The following TG variants were observed in gnomAD, a reference collection of about 807,000 sequenced individuals.
The protein encoded by TG is thyroglobulin, also known as thyroid hormones.
A neutral mutation model predicts 324.7 loss-of-function variants in TG; 270 were observed. The observed-to-expected ratio is 0.83, with a 90% CI of 0.75 to 0.92. TG has a LOEUF of 0.92. Among genes scored for constraint, TG ranks in the 40% least tolerant of loss-of-function variants. The pLI is 0.00. For missense variants in TG, 3,591 were observed against 3,456.4 expected (o/e 1.04, Z -0.98); for synonymous variants, 1,401 against 1,327.0 (o/e 1.06, Z -1.21).
At chr8:133,040,404 A>T in intron 41 of TG, 1 of 401,648 alleles carries the variant, frequency 2.5e-6, no homozygotes, top group Non-Finnish European at 4.5e-6. Context: ...CTTGGGTTTG[A>T]ATTTTAGCTT....
At chr8:133,112,941 A>G (rs937975443) in intron 43 of TG, among the ~76,000 whole-genome samples, 6 of 152,164 alleles carry the variant, frequency 3.9e-5, no homozygotes, top group African/African-American at 1.4e-4. Context: ...AACTATCTGT[A>G]TGAAAGTGTG....
intron 29 of TG, among the ~76,000 whole-genome samples, chr8:132,963,522 G>A (rs1828063466): frequency 6.6e-6 from 1 of 152,178 alleles, no homozygotes; most frequent in Admixed American, 6.5e-5. Flanking sequence ...AATAGGAACA[G>A]TACGTATGTA....
intron 43 of TG, among the ~76,000 whole-genome samples, chr8:133,104,076 G>A (rs375631842): frequency 2.0e-5 from 3 of 152,184 alleles, no homozygotes; most frequent in South Asian, 4.1e-4. Context: ...GGGAGCCAGC[G>A]ATGGGGATTG....
In TG at chr8:132,887,415, C is replaced by G. The variant is rs772075330; in HGVS notation, c.2043C>G (p.Thr681=). The G allele has an allele frequency of 1.9e-6, 3 of 1,614,192 alleles. No homozygotes were observed. The highest frequency in any genetic ancestry group is 2.5e-6 in the Non-Finnish European group (3 of 1,180,038). The change falls in exon 9 of 48, where the codon ACC becomes ACG. Residue 681 remains threonine (T), a synonymous_variant. Transcript: ENST00000220616. ...SLMGSQPAGS[T]LFVPACTSEG... Reference sequence around the variant, plus strand: ...TGGGCAGCCAGCCTGCTGGCTCCACCTTGTTTGTCCCTGCTTGTACTAGTG... The same window carrying G: ...TGGGCAGCCAGCCTGCTGGCTCCACGTTGTTTGTCCCTGCTTGTACTAGTG...
rs372942133 is a variant in TG at position 133,108,340 on chromosome 8, G to T, written c.7573-5082G>T. Among the ~76,000 whole-genome samples the T allele has an allele frequency of 1.6e-4, 24 of 152,174 alleles. No homozygotes were observed. The East Asian group carries it at 2.5e-3, about 16-fold the overall frequency. On this transcript the variant is annotated intron_variant, in intron 43 of 47. Transcript: ENST00000220616. ...TTGGAAAAAGGGTTCCAAGTGTTTG[G>T]GCTCAAGCTCAGTGGGGACAAAGCT...
At chr8:132,869,580 G>A in intron 2 of TG, 149 bp from the exon 3 acceptor site, 1 of 709,200 alleles carries the variant, frequency 1.4e-6, no homozygotes, top group South Asian at 1.6e-5. Flanking sequence ...TCCCAGGTCA[G>A]CCACCCTTCT....
chr8:132,935,995 C>T (rs1379438480), intron 25 of TG, 131 bp downstream of exon 25: 10 of 741,842 alleles, frequency 1.3e-5, no homozygotes, highest in East Asian at 1.3e-4. Context: ...CTCAGTCTGG[C>T]TTCTCTGAGC....
At chr8:133,130,603 C>T (rs1011865324) in intron 45 of TG, among the ~76,000 whole-genome samples, 2 of 152,088 alleles carry the variant, frequency 1.3e-5, no homozygotes, top group African/African-American at 2.4e-5. Flanking sequence ...CCTCAAGGAA[C>T]GGAATCCTTT....
chr8:132,871,368 C>T lies in TG; in HGVS notation c.295C>T (p.Gln99Ter), dbSNP rs1194583771. The stretch of plus-strand genomic sequence containing the variant: ...CACAGGTCTGTCATTTTGTCAGCTA[C>T]AGAAACAGCAGATCTTACTGAGTGG... ...PVACLSFCQL[Q>*]KQQILLSGYI... Residue 99 changes from glutamine (Q) to a stop codon, truncating the protein, a stop_gained, in exon 4 of 48, where the codon CAG (glutamine) becomes TAG (stop). Transcript: ENST00000220616. LOFTEE classifies it high-confidence loss of function. The T allele has an allele frequency of 3.1e-6, 5 of 1,614,088 alleles. No individual in the cohort carries two copies. In the Admixed American group the frequency reaches 5.0e-5, roughly 16 times the overall value.
chr8:132,912,338 A>T (rs949091306), intron 19 of TG, among the ~76,000 whole-genome samples: 1 of 152,190 alleles, frequency 6.6e-6, no homozygotes, highest in African/African-American at 2.4e-5. Context: ...TTGGAGCCGC[A>T]AAAACATGAG....
At chr8:132,908,095 A>T in intron 17 of TG, 91 bp from the exon 18 acceptor site, 1 of 1,478,224 alleles carries the variant, frequency 6.8e-7, no homozygotes, top group Non-Finnish European at 9.3e-7. Flanking sequence ...GAGCTCAATG[A>T]GGAAGGGTTA....
chr8:132,898,723 T>G, intron 13 of TG, 75 bp from the exon 14 acceptor site: 1 of 1,283,630 alleles, frequency 7.8e-7, no homozygotes, highest in Non-Finnish European at 1.1e-6. Context: ...CCCTTAAAGG[T>G]GGGGTCAGCC....
Position 132,871,391 on chromosome 8 carries a change from T to C in TG, c.318T>C (p.Ser106=), listed in dbSNP as rs1416067351. Reference sequence around the variant, plus strand: ...TACAGAAACAGCAGATCTTACTGAGTGGCTACATTAACAGCACAGACACCT... The same window carrying C: ...TACAGAAACAGCAGATCTTACTGAGCGGCTACATTAACAGCACAGACACCT... ...CQLQKQQILL[S]GYINSTDTSY... Residue 106 remains serine, a synonymous_variant, in exon 4 of 48, where the codon AGT becomes AGC. Coordinates refer to ENST00000220616, the MANE Select transcript of TG (RefSeq NM_003235.5). 1 of 1,614,170 alleles carries C rather than the reference T, an allele frequency of 6.2e-7. No homozygotes were observed.
chr8:133,096,125 TCAG>T (rs1403916222), intron 42 of TG, 78 bp from the exon 43 acceptor site: 2 of 1,534,950 alleles, frequency 1.3e-6, no homozygotes, highest in African/African-American at 2.7e-5. Flanking sequence ...GTATTGGCAT[TCAG>T]TATGGTTAAG....
chr8:132,877,462 C>T (rs1206318698), intron 5 of TG, among the ~76,000 whole-genome samples: 1 of 152,164 alleles, frequency 6.6e-6, no homozygotes, highest in Non-Finnish European at 1.5e-5. Context: ...GGAGCACCCT[C>T]CCTAGTGCAG....
intron 46 of TG, 48 bp from the exon 47 acceptor site, chr8:133,133,422 G>A (rs961428098): frequency 3.2e-6 from 5 of 1,586,790 alleles, no homozygotes; most frequent in African/African-American, 1.3e-5. Flanking sequence ...GTGATGAAAG[G>A]AAAGACAAAT....
At chr8:132,926,581 G>A (rs1476174275) in intron 22 of TG, among the ~76,000 whole-genome samples, 1 of 152,110 alleles carries the variant, frequency 6.6e-6, no homozygotes, top group Non-Finnish European at 1.5e-5. Flanking sequence ...TAGTTGTCTG[G>A]GATTCTTTGA....
At chr8:132,897,032 G>A (rs948632818) in intron 11 of TG, among the ~76,000 whole-genome samples, 1 of 152,194 alleles carries the variant, frequency 6.6e-6, no homozygotes, top group African/African-American at 2.4e-5. Flanking sequence ...TGGAGCTGCT[G>A]TGAAGATCTG....
rs1338756247 is a variant in TG at position 132,936,680 on chromosome 8, CTT to C, written c.5041+818_5041+819del. On this transcript the variant is annotated intron_variant, in intron 25 of 47. Transcript: ENST00000220616. ...CTGGCACGTGGGAGAGGCAGGAACT[CTT>C]TCCCTGGAATCCTGAGGTCTGCGCT... Among the ~76,000 whole-genome samples, 5 of 152,330 alleles carry C rather than the reference CTT, an allele frequency of 3.3e-5. No homozygotes were observed. The East Asian group carries it at 9.6e-4, about 29-fold the overall frequency.
Sources: gnomAD v4.1 joint callset for allele counts (sites outside exome capture counted in the v4.1 genomes callset) on GRCh38, gnomAD v4.1.1 for gene constraint, MANE v1.5 for transcripts, NCBI Gene and HGNC (gene_info 2026-07-23, HGNC 2026-07-21) for gene names.